Variants in CIMIP7 observed in about 807,000 individuals in gnomAD.
CIMIP7 encodes uncharacterized protein C3orf84.
At chr3:49,178,349 G>T in the CIMIP7 span, 1 of 794,432 alleles carries the variant, frequency 1.3e-6, no homozygotes, top group South Asian at 1.6e-5. Flanking sequence ...GTTTGTGGGG[G>T]AAGACAGCCA....
the CIMIP7 span, among the ~76,000 whole-genome samples, chr3:49,182,967 C>T: frequency 3.9e-5 from 6 of 152,314 alleles, no homozygotes; most frequent in East Asian, 5.8e-4. Flanking sequence ...GCAAGTACAG[C>T]GCGCAGCCCC....
the CIMIP7 span, among the ~76,000 whole-genome samples, chr3:49,184,102 A>G: frequency 6.6e-6 from 1 of 152,082 alleles, no homozygotes; most frequent in East Asian, 1.9e-4. Context: ...GGCTTAAGCA[A>G]TCCTCCTACC....
the CIMIP7 span, among the ~76,000 whole-genome samples, chr3:49,188,451 C>A: frequency 2.0e-5 from 3 of 152,110 alleles, no homozygotes; most frequent in African/African-American, 7.2e-5. Context: ...TTTGTTCTGG[C>A]CACCAGGGAA....
the CIMIP7 span, among the ~76,000 whole-genome samples, chr3:49,189,659 C>T: frequency 3.3e-5 from 5 of 152,214 alleles, no homozygotes; most frequent in Admixed American, 2.0e-4. Flanking sequence ...GACTGTGAAG[C>T]TGGCTGTGGA....
the CIMIP7 span, among the ~76,000 whole-genome samples, chr3:49,189,065 G>A: frequency 6.6e-6 from 1 of 151,892 alleles, no homozygotes; most frequent in African/African-American, 2.4e-5. Context: ...CACCTCCTGG[G>A]TTCAAGCCAT....
the CIMIP7 span, among the ~76,000 whole-genome samples, chr3:49,183,131 C>T: frequency 4.6e-5 from 7 of 152,274 alleles, no homozygotes; most frequent in Admixed American, 1.3e-4. Context: ...GAGGAGGTGC[C>T]GAGAGCAAGC....
At chr3:49,181,401 A>T in the CIMIP7 span, among the ~76,000 whole-genome samples, 1 of 151,418 alleles carries the variant, frequency 6.6e-6, no homozygotes, top group African/African-American at 2.4e-5. Flanking sequence ...CCGTAATCCC[A>T]GGACTTTGAG....
the CIMIP7 span, chr3:49,177,686 C>T: frequency 6.2e-7 from 1 of 1,609,022 alleles, no homozygotes; most frequent in African/African-American, 1.3e-5. Context: ...TCAGAGACCC[C>T]AGCATGAAGG....
the CIMIP7 span, among the ~76,000 whole-genome samples, chr3:49,186,331 G>A: frequency 1.5e-4 from 23 of 151,870 alleles, no homozygotes; most frequent in African/African-American, 4.8e-4. Context: ...TCCACCTCCC[G>A]TGTTCACGCC....
At chr3:49,182,835 G>A in the CIMIP7 span, among the ~76,000 whole-genome samples, 14 of 152,330 alleles carry the variant, frequency 9.2e-5, no homozygotes, top group East Asian at 2.5e-3. Context: ...AAGGCCTGGC[G>A]AGAAATTCAG....
the CIMIP7 span, among the ~76,000 whole-genome samples, chr3:49,182,075 G>A: frequency 6.6e-6 from 1 of 152,202 alleles, no homozygotes; most frequent in Non-Finnish European, 1.5e-5. Context: ...GGCTTCAGGA[G>A]TGAAGCTGCA....
At chr3:49,183,748 CAT>C in the CIMIP7 span, among the ~76,000 whole-genome samples, 2 of 152,190 alleles carry the variant, frequency 1.3e-5, no homozygotes, top group Non-Finnish European at 2.9e-5. Flanking sequence ...GAGACAAAAA[CAT>C]ATGTTCAACC....
At chr3:49,177,918 CT>C in the CIMIP7 span, 2 of 1,613,886 alleles carry the variant, frequency 1.2e-6, no homozygotes, top group South Asian at 2.2e-5. Flanking sequence ...TGAAATCAGC[CT>C]GGTAAGAAGA....
At chr3:49,183,770 T>C in the CIMIP7 span, among the ~76,000 whole-genome samples, 1 of 152,250 alleles carries the variant, frequency 6.6e-6, no homozygotes, top group South Asian at 2.1e-4. Flanking sequence ...CAAAAGTTTA[T>C]ATACAAATAT....
At chr3:49,180,619 TTGTA>T in the CIMIP7 span, among the ~76,000 whole-genome samples, 3 of 152,044 alleles carry the variant, frequency 2.0e-5, no homozygotes, top group African/African-American at 7.2e-5. Context: ...GTAGAGCTTA[TTGTA>T]TGTGTGTTTA....
At chr3:49,180,101 C>T in the CIMIP7 span, among the ~76,000 whole-genome samples, 2 of 152,138 alleles carry the variant, frequency 1.3e-5, no homozygotes, top group African/African-American at 4.8e-5. Context: ...GGTGAAACCC[C>T]GTCTCTACTA....
At chr3:49,187,658 A>G in the CIMIP7 span, among the ~76,000 whole-genome samples, 1 of 152,194 alleles carries the variant, frequency 6.6e-6, no homozygotes, top group African/African-American at 2.4e-5. Context: ...TTGCATCTGT[A>G]TGTCATGGAC....
chr3:49,177,683 C>A, the CIMIP7 span: 1 of 1,608,776 alleles, frequency 6.2e-7, no homozygotes, highest in Non-Finnish European at 8.5e-7. Context: ...CACTCAGAGA[C>A]CCCAGCATGA....
chr3:49,179,428 C>T, the CIMIP7 span, among the ~76,000 whole-genome samples: 1 of 152,202 alleles, frequency 6.6e-6, no homozygotes, highest in Non-Finnish European at 1.5e-5. Context: ...AAATCCACAA[C>T]AGTTCCTCCT....
Sources: allele counts gnomAD v4.1 joint callset (sites outside exome capture counted in the v4.1 genomes callset), GRCh38; gene constraint gnomAD v4.1.1; transcripts MANE v1.5; gene names NCBI Gene and HGNC (gene_info 2026-07-23, HGNC 2026-07-21).